PRKCA: variants seen among roughly 807,000 people sequenced by gnomAD.
PRKCA encodes protein kinase C alpha type.
PRKCA carries 27 observed loss-of-function variants against 87.0 expected under a neutral mutation model. The observed-to-expected ratio is 0.31, with a 90% CI of 0.23 to 0.43. The LOEUF is 0.43. Ranked by LOEUF, PRKCA falls within the 20% of genes least tolerant of loss-of-function variation. PRKCA has a pLI of 1.00. For missense variants in PRKCA, 518 were observed against 852.3 expected (o/e 0.61, Z 4.88); for synonymous variants, 329 against 311.1 (o/e 1.06, Z -0.61).
At chr17:66,548,481 C>T (rs1216891822) in intron 3 of PRKCA, among the ~76,000 whole-genome samples, 2 of 152,186 alleles carry the variant, frequency 1.3e-5, no homozygotes, top group African/African-American at 4.8e-5. Context: ...AAGCTGCCTA[C>T]CAGGCACCAA....
chr17:66,805,088 T>G lies in PRKCA; in HGVS notation c.*1051T>G. 1 of 983,830 alleles carries G rather than the reference T, an allele frequency of 1.0e-6. No individual in the cohort carries two copies. Among genetic ancestry groups the G allele is most frequent in the African/African-American group, 1.7e-5 (1 of 57,322 alleles). 60.9% of individuals were successfully genotyped at this position (983,830 alleles called of 1,614,324 possible). A position where few individuals can be genotyped will look rare whatever the true frequency, so the allele number is the denominator to read the frequency against. On this transcript the variant is annotated 3_prime_UTR_variant, in exon 17 of 17. Transcript: ENST00000413366. ...GACTCTAGCATCAGCCTCTACCGAT[T>G]GATTTTCCTCCCTTCTCTAGCCCTG...
chr17:66,556,323 C>CTTTTTTTTTTT (rs61549626), intron 3 of PRKCA, among the ~76,000 whole-genome samples: 2 of 129,002 alleles, frequency 1.6e-5, no homozygotes, highest in South Asian at 2.4e-4. Context: ...CTTTCTTCTT[C>CTTTTTTTTTTT]TTTTTTTTTT....
chr17:66,303,988 C>G (rs546352156), intron 1 of PRKCA, among the ~76,000 whole-genome samples: 1 of 152,038 alleles, frequency 6.6e-6, no homozygotes, highest in Non-Finnish European at 1.5e-5. Context: ...TGAGACAGAG[C>G]GAGATTCCGT....
chr17:66,502,987 TAAGAA>T (rs1916811983), intron 3 of PRKCA, among the ~76,000 whole-genome samples: 1 of 152,166 alleles, frequency 6.6e-6, no homozygotes, highest in African/African-American at 2.4e-5. Context: ...TCAAAAGTTG[TAAGAA>T]GAGAAGCTGT....
chr17:66,789,825 C>A (rs1329971767), intron 16 of PRKCA, among the ~76,000 whole-genome samples: 1 of 152,202 alleles, frequency 6.6e-6, no homozygotes, highest in Non-Finnish European at 1.5e-5. Context: ...TTGATTGCGG[C>A]CAGCAAGTGC....
At position 66,713,692 on chromosome 17, in the gene PRKCA, G is replaced by A. The variant is rs1232188846; in HGVS notation, c.919-18996G>A. Among the ~76,000 whole-genome samples the A allele has an allele frequency of 4.6e-5, 7 of 152,294 alleles. No homozygotes were observed. In the East Asian group the frequency reaches 9.7e-4, roughly 21 times the overall value. On this transcript the variant is annotated intron_variant, in intron 8 of 16. Transcript: ENST00000413366. Reference sequence around the variant, plus strand: ...CAGTGATAATAGCGTGCCACCGCTCGCTCACACCTCTCTTCAAAGTGGCTT... The same window carrying A: ...CAGTGATAATAGCGTGCCACCGCTCACTCACACCTCTCTTCAAAGTGGCTT...
At chr17:66,367,933 A>G (rs1444298612) in intron 2 of PRKCA, among the ~76,000 whole-genome samples, 1 of 152,214 alleles carries the variant, frequency 6.6e-6, no homozygotes, top group Non-Finnish European at 1.5e-5. Context: ...TATCAGTTAC[A>G]ATGAATTCCC....
chr17:66,404,110 C>T (rs980132766), intron 2 of PRKCA: 2 of 152,182 alleles, frequency 1.3e-5, no homozygotes, highest in Non-Finnish European at 2.9e-5. Flanking sequence ...TGTTATTCAC[C>T]CTGAATCCTC....
intron 3 of PRKCA, among the ~76,000 whole-genome samples, chr17:66,626,389 TCTCA>T (rs2090220106): frequency 7.0e-6 from 1 of 143,286 alleles, no homozygotes; most frequent in Admixed American, 7.1e-5. Context: ...TGAGACAGAG[TCTCA>T]CTCTGCCACC....
chr17:66,553,022 C>G (rs190257293), intron 3 of PRKCA, among the ~76,000 whole-genome samples: 78 of 151,344 alleles, frequency 5.2e-4, no homozygotes, highest in Non-Finnish European at 7.2e-4. Flanking sequence ...CACTCTGTTG[C>G]TGGTGCCAGA....
At chr17:66,372,782 C>G (rs569284471) in intron 2 of PRKCA, among the ~76,000 whole-genome samples, 1 of 152,128 alleles carries the variant, frequency 6.6e-6, no homozygotes, top group Non-Finnish European at 1.5e-5. Flanking sequence ...ACAGGCCAGG[C>G]GCAGTGGCTC....
Position 66,605,602 on chromosome 17 carries a change from C to A in PRKCA, c.289-35753C>A, listed in dbSNP as rs571341926. On this transcript the variant is annotated intron_variant, in intron 3 of 16. Coordinates refer to ENST00000413366, the MANE Select transcript of PRKCA (RefSeq NM_002737.3). Reference sequence around the variant, plus strand: ...CAACAATTCCTCTTCTAGGTATATACCGAAGAGAATGAAAACATATGTTCT... The same window carrying A: ...CAACAATTCCTCTTCTAGGTATATAACGAAGAGAATGAAAACATATGTTCT... 2.0e-5 allele frequency among the ~76,000 whole-genome samples: 3 copies of A among 152,198 alleles called. No homozygotes were observed. The South Asian group carries it at 6.2e-4, about 32-fold the overall frequency.
intron 2 of PRKCA, among the ~76,000 whole-genome samples, chr17:66,380,273 T>C (rs1766127155): frequency 1.3e-5 from 2 of 152,056 alleles, no homozygotes; most frequent in South Asian, 4.1e-4. Flanking sequence ...GCAACTTGAT[T>C]GTCTGCCCAT....
intron 3 of PRKCA, among the ~76,000 whole-genome samples, chr17:66,621,575 G>A (rs1478525505): frequency 6.6e-6 from 1 of 152,066 alleles, no homozygotes; most frequent in African/African-American, 2.4e-5. Context: ...ATTTCTTTGC[G>A]AAGTCTGTGG....
At chr17:66,341,172 A>AAGCTTTTTTTCCT (rs1392503173) in intron 2 of PRKCA, among the ~76,000 whole-genome samples, 1 of 152,138 alleles carries the variant, frequency 6.6e-6, no homozygotes, top group Non-Finnish European at 1.5e-5. Flanking sequence ...CGTGTCTAGA[A>AAGCTTTTTTTCCT]AGCTGCTAGC....
intron 3 of PRKCA, among the ~76,000 whole-genome samples, chr17:66,514,017 A>G (rs149536195): frequency 7.7e-4 from 118 of 152,340 alleles, no homozygotes; most frequent in African/African-American, 2.6e-3. Context: ...CTTTTAGTAT[A>G]GTACACTAAG....
chr17:66,365,984 G>A (rs1392598151), intron 2 of PRKCA, among the ~76,000 whole-genome samples: 1 of 152,150 alleles, frequency 6.6e-6, no homozygotes, highest in Non-Finnish European at 1.5e-5. Flanking sequence ...TGTGAATGGA[G>A]ACATTTGTAT....
chr17:66,656,054 GC>G (rs1458103642), intron 5 of PRKCA, among the ~76,000 whole-genome samples: 1 of 152,110 alleles, frequency 6.6e-6, no homozygotes, highest in Non-Finnish European at 1.5e-5. Context: ...GGTTCTCTGT[GC>G]GGGGACTCCA....
intron 13 of PRKCA, among the ~76,000 whole-genome samples, chr17:66,771,415 T>C (rs1207306245): frequency 1.3e-5 from 2 of 152,226 alleles, no homozygotes; most frequent in Admixed American, 1.3e-4. Context: ...CTTGCCAAGA[T>C]ACTCATGATA....
Sources: allele counts gnomAD v4.1 joint callset (sites outside exome capture counted in the v4.1 genomes callset), GRCh38; gene constraint gnomAD v4.1.1; transcripts MANE v1.5; gene names NCBI Gene and HGNC (gene_info 2026-07-23, HGNC 2026-07-21).